DOCK11: variants seen among roughly 807,000 people sequenced by gnomAD.
DOCK11 encodes the protein dedicator of cytokinesis 11, also known as dedicator of cytokinesis protein 11.
DOCK11 carries 70 observed loss-of-function variants against 169.1 expected under a neutral mutation model. That is an observed-to-expected ratio of 0.41 (90% CI 0.34 to 0.51). The LOEUF (loss-of-function observed/expected upper bound fraction) is 0.51, where lower values mean the gene tolerates loss of function less well. Ranked by LOEUF, DOCK11 falls within the 20% of genes least tolerant of loss-of-function variation. DOCK11 has a pLI of 0.10. For missense variants in DOCK11, 1,166 were observed against 1,538.8 expected (o/e 0.76, Z 4.05); for synonymous variants, 529 against 541.3 (o/e 0.98, Z 0.32).
chrX:118,662,561 A>G, intron 44 of DOCK11, 125 bp from the exon 45 acceptor site: 1 of 408,661 alleles, frequency 2.4e-6, no homozygotes, highest in Non-Finnish European at 4.3e-6. Flanking sequence ...TGAAAATTGT[A>G]CTTAAGACTT....
At chrX:118,552,999 A>G (rs759375580) in intron 6 of DOCK11, among the ~76,000 whole-genome samples, 102 of 112,166 alleles carry the variant, frequency 9.1e-4, no homozygotes, top group African/African-American at 3.2e-3. Context: ...TTAAAACAGG[A>G]CAAGCCTTAT....
chrX:118,505,075 G>A (rs759320560), intron 1 of DOCK11, among the ~76,000 whole-genome samples: 1 of 112,519 alleles, frequency 8.9e-6, no homozygotes, highest in South Asian at 3.7e-4. Context: ...CCAGGCTGGA[G>A]TGCAGTGACA....
Position 118,571,310 on chromosome X carries a change from G to A in DOCK11, c.1036-1013G>A, listed in dbSNP as rs140993107. ...ATTTCACGACTAAGTTCATAACATC[G>A]TTATCTATTGAATCTCCCAAATTAG... On this transcript the variant is annotated intron_variant, in intron 10 of 52. Transcript: ENST00000276202. 4.4e-3 allele frequency among the ~76,000 whole-genome samples: 483 copies of A among 109,734 alleles called. 2 individuals carry two copies. Among genetic ancestry groups the A allele is most frequent in the African/African-American group, 0.015 (451 of 30,162 alleles).
At chrX:118,600,405 T>C (rs1444387544) in intron 23 of DOCK11, among the ~76,000 whole-genome samples, 3 of 92,046 alleles carry the variant, frequency 3.3e-5, no homozygotes, top group Admixed American at 1.2e-4. Flanking sequence ...GTTTTCTTTT[T>C]TTTTAAAAAA....
At chrX:118,630,578 C>A in intron 35 of DOCK11, 88 bp downstream of exon 35, 2 of 531,003 alleles carry the variant, frequency 3.8e-6, no homozygotes, top group Non-Finnish European at 6.2e-6. Flanking sequence ...TGATCATCAT[C>A]TGGAGGCAGA....
At chrX:118,660,947 C>G (rs1312095878) in intron 44 of DOCK11, among the ~76,000 whole-genome samples, 1 of 110,369 alleles carries the variant, frequency 9.1e-6, no homozygotes, top group Non-Finnish European at 1.9e-5. Flanking sequence ...GTGGCTCACG[C>G]CTATAATCTC....
chrX:118,651,024 AG>A lies in DOCK11; in HGVS notation c.4582-939del, dbSNP rs1290922641. On this transcript the variant is annotated intron_variant, in intron 41 of 52. Coordinates refer to ENST00000276202, the MANE Select transcript of DOCK11 (RefSeq NM_144658.4). The stretch of plus-strand genomic sequence containing the variant: ...ATTTGTATCTAAGGCATTCAACTCT[AG>A]AGCCCATACACATGGCTATTACTGT... Among the ~76,000 whole-genome samples the A allele has an allele frequency of 2.7e-5, 3 of 112,110 alleles. No homozygotes were observed. The East Asian group carries it at 8.3e-4, about 31-fold the overall frequency.
chrX:118,555,873 C>T (rs1454298273), intron 6 of DOCK11, among the ~76,000 whole-genome samples: 7 of 110,957 alleles, frequency 6.3e-5, no homozygotes, highest in Non-Finnish European at 9.4e-5. Flanking sequence ...ATCATTTCTA[C>T]ATTGCTCTTG....
chrX:118,531,477 T>G (rs1444490978), intron 1 of DOCK11, among the ~76,000 whole-genome samples: 1 of 103,275 alleles, frequency 9.7e-6, no homozygotes, highest in Admixed American at 1.1e-4. Flanking sequence ...AGTAATTTTA[T>G]GTTTTACTTT....
At chrX:118,585,581 G>A (rs1050550914) in intron 16 of DOCK11, among the ~76,000 whole-genome samples, 5 of 105,988 alleles carry the variant, frequency 4.7e-5, no homozygotes, top group African/African-American at 1.4e-4. Context: ...CTGAGGTTCC[G>A]GGTGGACATG....
At chrX:118,551,795 TTTGACTGTTAGAAA>T (rs1029828849) in intron 6 of DOCK11, among the ~76,000 whole-genome samples, 11 of 111,342 alleles carry the variant, frequency 9.9e-5, no homozygotes, top group Non-Finnish European at 1.9e-4. Context: ...TGCTGGACAT[TTTGACTGTTAGAAA>T]TAAAGGAATC....
At chrX:118,523,726 G>A (rs769025023) in intron 1 of DOCK11, among the ~76,000 whole-genome samples, 19 of 111,797 alleles carry the variant, frequency 1.7e-4, no homozygotes, top group Non-Finnish European at 3.2e-4. Flanking sequence ...AAATGAATAT[G>A]TATTGCTTTT....
intron 6 of DOCK11, among the ~76,000 whole-genome samples, chrX:118,558,115 G>A (rs764552936): frequency 9.2e-6 from 1 of 108,620 alleles, no homozygotes; most frequent in East Asian, 2.9e-4. Context: ...TGGGATTACA[G>A]GGGTGCGCCA....
intron 12 of DOCK11, among the ~76,000 whole-genome samples, chrX:118,578,162 A>G (rs1446075533): frequency 8.9e-6 from 1 of 111,939 alleles, no homozygotes; most frequent in African/African-American, 3.2e-5. Context: ...GTGGAAATAA[A>G]TATTAGTTAA....
intron 51 of DOCK11, among the ~76,000 whole-genome samples, 189 bp from the exon 52 acceptor site, chrX:118,682,890 A>G (rs1454776452): frequency 3.6e-5 from 4 of 112,078 alleles, no homozygotes; most frequent in African/African-American, 1.3e-4. Flanking sequence ...CCATAAGGCA[A>G]AGGTGGAAAG....
intron 14 of DOCK11, among the ~76,000 whole-genome samples, chrX:118,582,522 G>A (rs2013682819): frequency 8.9e-6 from 1 of 111,867 alleles, no homozygotes; most frequent in South Asian, 3.7e-4. Flanking sequence ...TTGGTTCTCA[G>A]CAGTAGTAAA....
In DOCK11 at chrX:118,685,817, G is replaced by T; in HGVS notation, c.*10G>T. On this transcript the variant is annotated 3_prime_UTR_variant, in exon 53 of 53. Transcript: ENST00000276202. ...ATACGCTGAAGTGTGAGGAAATGCAGATGTACGTGACAATGAGACTGACCT... is the reference window on the plus strand; with the variant it reads ...ATACGCTGAAGTGTGAGGAAATGCATATGTACGTGACAATGAGACTGACCT... 8.3e-7 allele frequency: 1 copy of T among 1,210,179 alleles called. No homozygotes were observed.
In DOCK11 at chrX:118,628,204, G is replaced by C; in HGVS notation, c.3706G>C (p.Asp1236His). 1 of 1,207,485 alleles carries C rather than the reference G, an allele frequency of 8.3e-7. No homozygotes were observed. The highest frequency in any genetic ancestry group is 1.1e-6 in the Non-Finnish European group (1 of 892,639). The change falls in exon 34 of 53, where the codon GAT (aspartate) becomes CAT (histidine). Residue 1236 changes from aspartate (D) to histidine (H), a missense_variant. Transcript: ENST00000276202. ...FQNGHGIKREDSRGSLIPEGA... is the reference protein window; with the variant it reads ...FQNGHGIKREHSRGSLIPEGA... ...AAATGGACATGGAATTAAGAGAGAA[G>C]ATTCAAGAGGTTCCCTCATCCCAGA... is the stretch of plus-strand genomic sequence containing the variant.
intron 38 of DOCK11, among the ~76,000 whole-genome samples, chrX:118,640,286 T>C (rs779921783): frequency 8.9e-6 from 1 of 112,386 alleles, no homozygotes; most frequent in South Asian, 3.7e-4. Flanking sequence ...CACACAGTCC[T>C]CTGAAGGTTT....
Sources: allele counts gnomAD v4.1 joint callset (sites outside exome capture counted in the v4.1 genomes callset), GRCh38; gene constraint gnomAD v4.1.1; transcripts MANE v1.5; gene names NCBI Gene and HGNC (gene_info 2026-07-23, HGNC 2026-07-21).